Variants in RNASE11 observed in about 807,000 individuals in gnomAD.
The protein encoded by RNASE11 is ribonuclease A family member 11 (inactive).
For synonymous variants in RNASE11, 105 were observed against 86.1 expected (o/e 1.22, Z -1.21); for missense variants, 252 against 237.8 (o/e 1.06, Z -0.39).
rs1447475762 is a variant in RNASE11 at position 20,587,549 on chromosome 14, T to C, written c.-23+14A>G. 1.0e-5 allele frequency: 10 copies of C among 985,148 alleles called. No individual in the cohort carries two copies. Among genetic ancestry groups the C allele is most frequent in the Non-Finnish European group, 9.6e-6 (8 of 829,808 alleles). The allele number at this position is 985,148 out of a possible 1,614,324, so 61.0% of individuals were successfully genotyped here. ...TACCAAGGCCCAACAAATCATGTGC[T>C]AGGGACCACCTACCTGTTCCTGTTC... On this transcript the variant is annotated intron_variant, in intron 1 of 1. Coordinates refer to ENST00000553849, the Ensembl canonical transcript of RNASE11.
chr14:20,585,865 G>T (rs554892294), intron 1 of RNASE11, among the ~76,000 whole-genome samples: 2 of 152,062 alleles, frequency 1.3e-5, no homozygotes, highest in African/African-American at 4.8e-5. Context: ...CCTAAAGAAA[G>T]GTTATTTAAG....
At chr14:20,588,587 G>A (rs1404497753), upstream of RNASE11, among the ~76,000 whole-genome samples, 3 of 152,168 alleles carry the variant, frequency 2.0e-5, no homozygotes, top group East Asian at 3.9e-4. Flanking sequence ...TGCTGAACAG[G>A]AACAGATGCT....
At chr14:20,583,706 C>A in exon 2 of RNASE11, 2 of 363,646 alleles carry the variant, frequency 5.5e-6, no homozygotes, top group South Asian at 3.0e-5. Flanking sequence ...TCAGTCATAA[C>A]TTTTAATTGA....
chr14:20,586,029 C>G (rs1884426780), intron 1 of RNASE11, among the ~76,000 whole-genome samples: 1 of 152,170 alleles, frequency 6.6e-6, no homozygotes, highest in Non-Finnish European at 1.5e-5. Context: ...TTCTTCTATA[C>G]ACTACTTTTC....
At chr14:20,586,380 C>A (rs1248530780) in intron 1 of RNASE11, among the ~76,000 whole-genome samples, 1 of 151,996 alleles carries the variant, frequency 6.6e-6, no homozygotes, top group Non-Finnish European at 1.5e-5. Context: ...TTTCCAACTT[C>A]TCTGAACTTC....
exon 2 of RNASE11, chr14:20,584,220 G>T: frequency 1.2e-6 from 2 of 1,614,176 alleles, no homozygotes; most frequent in African/African-American, 1.3e-5. Context: ...TTCCCTTGGG[G>T]TCATTATAAT....
intron 1 of RNASE11, 62 bp downstream of exon 2, chr14:20,587,501 A>G (rs935338233): frequency 5.7e-5 from 50 of 876,566 alleles, no homozygotes; most frequent in Non-Finnish European, 6.6e-5. Flanking sequence ...ATCCACTTCA[A>G]AGTTTTGCCC....
At chr14:20,585,454 C>A (rs115745639) in intron 1 of RNASE11, among the ~76,000 whole-genome samples, 10 of 152,064 alleles carry the variant, frequency 6.6e-5, no homozygotes, top group African/African-American at 1.4e-4. Context: ...AAAAATTCCT[C>A]GAGCCTGAAA....
chr14:20,584,636 T>C (rs923356590), intron 1 of RNASE11, 140 bp from the exon 3 acceptor site: 1 of 600,672 alleles, frequency 1.7e-6, no homozygotes, highest in Non-Finnish European at 2.7e-6. Flanking sequence ...TATGATATAA[T>C]AGAAAGACAA....
chr14:20,588,521 G>A (rs923980052), upstream of RNASE11, among the ~76,000 whole-genome samples: 2 of 152,118 alleles, frequency 1.3e-5, no homozygotes, highest in Non-Finnish European at 2.9e-5. Context: ...AGTCTTTAAG[G>A]GAAATGGTTT....
chr14:20,583,094 T>C (rs1261801), downstream of RNASE11: 2 of 152,014 alleles, frequency 1.3e-5, no homozygotes, highest in Admixed American at 1.3e-4. Flanking sequence ...AACTACAGTA[T>C]CATAAGACAT....
chr14:20,585,049 C>T (rs1173879212), intron 1 of RNASE11: 3 of 984,738 alleles, frequency 3.0e-6, no homozygotes, highest in Non-Finnish European at 3.6e-6. Flanking sequence ...CAAGTTGATC[C>T]TGTAGAGGAA....
At chr14:20,590,235 A>T, upstream of RNASE11, 1 of 1,598,238 alleles carries the variant, frequency 6.3e-7, no homozygotes, top group Non-Finnish European at 8.5e-7. Flanking sequence ...GCCAGCTCCA[A>T]TGCCATTGAG....
chr14:20,588,795 A>C (rs1213487109), upstream of RNASE11, among the ~76,000 whole-genome samples: 5 of 152,140 alleles, frequency 3.3e-5, no homozygotes, highest in Non-Finnish European at 5.9e-5. Flanking sequence ...ATATTTATTT[A>C]TTTATTTTTG....
chr14:20,584,547 GTTCT>G, intron 1 of RNASE11, 51 bp from the exon 3 acceptor site: 1 of 1,435,072 alleles, frequency 7.0e-7, no homozygotes, highest in Non-Finnish European at 9.2e-7. Context: ...TAAAGAGGTA[GTTCT>G]TTCTTCCTCC....
At chr14:20,583,938 C>G (rs1373102234) in exon 2 of RNASE11, 1 of 1,614,022 alleles carries the variant, frequency 6.2e-7, no homozygotes, top group Non-Finnish European at 8.5e-7. Flanking sequence ...CTGTCAATAT[C>G]TTCTCTAATG....
Position 20,586,653 on chromosome 14 carries a change from T to C in RNASE11, c.-23+910A>G, listed in dbSNP as rs539602552. ...GGATGAGGGATTTATAGGGAATTTATTTTGTTTCCTAAACTTCTATATCCT... is the reference window on the plus strand; with the variant it reads ...GGATGAGGGATTTATAGGGAATTTACTTTGTTTCCTAAACTTCTATATCCT... On this transcript the variant is annotated intron_variant, in intron 1 of 1. Coordinates refer to ENST00000553849, the Ensembl canonical transcript of RNASE11. Among the ~76,000 whole-genome samples, 11 of 152,318 alleles carry C rather than the reference T, an allele frequency of 7.2e-5. No homozygotes were observed. In the East Asian group the frequency reaches 1.3e-3, roughly 19 times the overall value.
intron 1 of RNASE11, among the ~76,000 whole-genome samples, chr14:20,586,901 T>C (rs1324714407): frequency 6.6e-6 from 1 of 152,204 alleles, no homozygotes; most frequent in Non-Finnish European, 1.5e-5. Flanking sequence ...TGTGGTCTCA[T>C]TGCTTTGGGA....
chr14:20,587,686 A>G (rs569417979), exon 1 of RNASE11: 28 of 985,416 alleles, frequency 2.8e-5, no homozygotes, highest in Non-Finnish European at 1.4e-5. Flanking sequence ...AACTCAGCTG[A>G]AAAACGGCCA....
Sources: gnomAD v4.1 joint callset for allele counts (sites outside exome capture counted in the v4.1 genomes callset) on GRCh38, gnomAD v4.1.1 for gene constraint, MANE v1.5 for transcripts, NCBI Gene and HGNC (gene_info 2026-07-23, HGNC 2026-07-21) for gene names.